The following DAPK1 variants were observed in gnomAD, a reference collection of about 807,000 sequenced individuals.
DAPK1 encodes death-associated protein kinase 1.
Under a neutral mutation model 144.9 loss-of-function variants are expected in DAPK1, and 56 were observed. That is an observed-to-expected ratio of 0.39 (90% CI 0.31 to 0.48). The LOEUF (loss-of-function observed/expected upper bound fraction) is 0.48. Ranked by LOEUF, DAPK1 falls within the 20% of genes least tolerant of loss-of-function variation. DAPK1 has a pLI of 0.95. For synonymous variants in DAPK1, 690 were observed against 749.0 expected (o/e 0.92, Z 1.29); for missense variants, 1,454 against 1,875.4 (o/e 0.78, Z 4.15).
intron 15 of DAPK1, among the ~76,000 whole-genome samples, chr9:87,649,588 A>T (rs992574620): frequency 6.6e-6 from 1 of 152,224 alleles, no homozygotes; most frequent in Non-Finnish European, 1.5e-5. Context: ...CGAAGGCTCT[A>T]TTGTTCAGAC....
At chr9:87,621,738 T>G (rs962683835) in intron 3 of DAPK1, among the ~76,000 whole-genome samples, 2 of 152,156 alleles carry the variant, frequency 1.3e-5, no homozygotes, top group Admixed American at 6.5e-5. Flanking sequence ...GGCTTTTTTC[T>G]CTCATGCTAA....
At position 87,708,193 on chromosome 9, in the gene DAPK1, A is replaced by G. The variant is rs1445498813; in HGVS notation, c.*829A>G. ...GTCCACATGAAACCTACACACTGTC[A>G]TGCTTCATCATTCCCTCTCATCTCA... On this transcript the variant is annotated 3_prime_UTR_variant, in exon 26 of 26. Transcript: ENST00000408954. 4.5e-6 allele frequency: 1 copy of G among 222,944 alleles called. No individual in the cohort carries two copies. The highest frequency in any genetic ancestry group is 9.0e-6 in the Non-Finnish European group (1 of 111,662). 13.8% of individuals were successfully genotyped at this position (222,944 alleles called of 1,614,324 possible). A position where few individuals can be genotyped will look rare whatever the true frequency, so the allele number is the denominator to read the frequency against.
Position 87,686,518 on chromosome 9 carries a change from T to TC in DAPK1, c.2225-32dup. 1 of 1,299,808 alleles carries TC rather than the reference T, an allele frequency of 7.7e-7. No individual in the cohort carries two copies. Among genetic ancestry groups the TC allele is most frequent in the Non-Finnish European group, 1.1e-6 (1 of 919,486 alleles). 80.5% of individuals were successfully genotyped at this position (1,299,808 alleles called of 1,614,324 possible). On this transcript the variant is annotated intron_variant, in intron 20 of 25. Transcript: ENST00000408954. This position sits in a 1 kb window ranked among gnomAD's most constrained non-coding sequence, Gnocchi z 4.2. ...GGGAGACAGGCACACGCTGCCCCCA[T>TC]CGAGTACTCATGTGATCCTTTCCAT...
chr9:87,695,012 A>G (rs574565127), intron 21 of DAPK1, among the ~76,000 whole-genome samples: 1 of 152,268 alleles, frequency 6.6e-6, no homozygotes, highest in South Asian at 2.1e-4. Flanking sequence ...GCGGGAGTTC[A>G]TGGTCTGTGT....
intron 9 of DAPK1, among the ~76,000 whole-genome samples, chr9:87,641,695 C>A (rs1830100509): frequency 6.6e-6 from 1 of 152,160 alleles, no homozygotes; most frequent in South Asian, 2.1e-4. Context: ...TGAATATTGC[C>A]ATTCCCAAAC....
chr9:87,615,323 A>T (rs1829058038), intron 3 of DAPK1, among the ~76,000 whole-genome samples: 1 of 152,240 alleles, frequency 6.6e-6, no homozygotes, highest in Admixed American at 6.5e-5. Context: ...AACATCAGGG[A>T]TCCAGCGGGA....
chr9:87,633,233 A>G (rs1390612997), intron 3 of DAPK1: 63 of 984,494 alleles, frequency 6.4e-5, no homozygotes, highest in Non-Finnish European at 7.2e-5. Flanking sequence ...GTAGGGATGA[A>G]GGAATATGAG....
At chr9:87,588,864 C>A (rs1184665297) in intron 2 of DAPK1, among the ~76,000 whole-genome samples, 5 of 151,922 alleles carry the variant, frequency 3.3e-5, no homozygotes, top group African/African-American at 4.8e-5. Context: ...TGAGAACCAT[C>A]CAGATTAGTG....
At chr9:87,659,464 G>A (rs983267239) in intron 18 of DAPK1, among the ~76,000 whole-genome samples, 10 of 151,678 alleles carry the variant, frequency 6.6e-5, no homozygotes, top group Admixed American at 3.3e-4. Flanking sequence ...TTTTCAAGAC[G>A]AAGAAATATT....
At chr9:87,653,446 T>G in intron 17 of DAPK1, among the ~76,000 whole-genome samples, 1 of 152,192 alleles carries the variant, frequency 6.6e-6, no homozygotes. Flanking sequence ...AACAGAAAAT[T>G]ATTATAATAA....
intron 2 of DAPK1, among the ~76,000 whole-genome samples, chr9:87,579,940 T>C (rs1235936150): frequency 6.6e-6 from 1 of 152,200 alleles, no homozygotes; most frequent in Admixed American, 6.5e-5. Context: ...TTAGCAGTGA[T>C]GTATAACACA....
intron 17 of DAPK1, among the ~76,000 whole-genome samples, chr9:87,654,638 T>C (rs1366618644): frequency 2.0e-5 from 3 of 152,224 alleles, no homozygotes; most frequent in East Asian, 3.8e-4. Context: ...AAGTGTAATA[T>C]GAAGTAGCAT....
At chr9:87,592,100 C>T (rs570277307) in intron 2 of DAPK1, among the ~76,000 whole-genome samples, 53 of 152,264 alleles carry the variant, frequency 3.5e-4, no homozygotes, top group African/African-American at 1.2e-3. Flanking sequence ...TCAGTGTTTC[C>T]GTATCACTGC....
chr9:87,505,293 CAAAG>C (rs1824544837), intron 2 of DAPK1, among the ~76,000 whole-genome samples: 1 of 152,220 alleles, frequency 6.6e-6, no homozygotes, highest in Admixed American at 6.5e-5. Flanking sequence ...GATTATGAGA[CAAAG>C]GAAGCCACTC....
intron 2 of DAPK1, among the ~76,000 whole-genome samples, chr9:87,537,614 A>AAT (rs1825904427): frequency 6.6e-6 from 1 of 151,766 alleles, no homozygotes. Flanking sequence ...ATACATGGTA[A>AAT]GTAGATATAT....
chr9:87,604,121 A>C (rs971905417), intron 2 of DAPK1, among the ~76,000 whole-genome samples: 3 of 152,090 alleles, frequency 2.0e-5, no homozygotes, highest in Non-Finnish European at 4.4e-5. Context: ...GTTGTCTTCA[A>C]ACTAAGAGTG....
intron 1 of DAPK1, 26 bp downstream of exon 1, chr9:87,498,133 G>T: frequency 2.5e-6 from 1 of 397,354 alleles, no homozygotes; most frequent in Non-Finnish European, 4.4e-6. Flanking sequence ...CGGCTCCCCG[G>T]TCCCCCCGAC....
In DAPK1 at chr9:87,706,889, G is replaced by T. The variant is rs202163821; in HGVS notation, c.3818G>T (p.Gly1273Val). 2.5e-6 allele frequency: 4 copies of T among 1,614,026 alleles called. No homozygotes were observed. The highest frequency in any genetic ancestry group is 1.1e-5 in the South Asian group (1 of 91,078). The change falls in exon 26 of 26, where the codon GGG becomes GTG. Residue 1273 changes from glycine to valine, a missense_variant. Gly to Val is a moderately radical substitution (Grantham distance 109). Transcript: ENST00000408954. The surrounding 1 kb of genome is among the most constrained non-coding windows in gnomAD (Gnocchi z 9.0). ...GAAACCTCACTGACCAACACCATGG[G>T]GGGGTACAAGGAAAGCTTCAGCAGC... The part of the protein sequence containing the change: ...LKETSLTNTM[G>V]GYKESFSSIM...
intron 2 of DAPK1, among the ~76,000 whole-genome samples, chr9:87,565,231 C>CGAGTGT (rs1827075362): frequency 6.9e-6 from 1 of 145,608 alleles, no homozygotes; most frequent in Non-Finnish European, 1.5e-5. Context: ...GCATGAAAAA[C>CGAGTGT]GAGTGTCGAG....
Sources: allele counts gnomAD v4.1 joint callset (sites outside exome capture counted in the v4.1 genomes callset), GRCh38; gene constraint gnomAD v4.1.1; non-coding constraint Gnocchi (gnomAD v3.1); transcripts MANE v1.5; gene names NCBI Gene and HGNC (gene_info 2026-07-23, HGNC 2026-07-21).